TRAPPC3L: variants seen among roughly 807,000 people sequenced by gnomAD.
TRAPPC3L encodes the protein trafficking protein particle complex subunit 3-like protein.
In TRAPPC3L, 23 loss-of-function variants were observed where a neutral mutation model predicts 23.7. The ratio of observed to expected loss-of-function variants is 0.97; its 90% confidence interval spans 0.70 to 1.37. TRAPPC3L has a LOEUF of 1.37. Ranked by LOEUF, TRAPPC3L falls within the 40% of genes most tolerant of loss-of-function variation. The probability of loss-of-function intolerance (pLI) is 0.00; values close to 1 mark genes in which losing one functional copy is unlikely to be tolerated. For synonymous variants in TRAPPC3L, 81 were observed against 77.9 expected (o/e 1.04, Z -0.21); for missense variants, 212 against 216.8 (o/e 0.98, Z 0.14).
chr6:116,523,119 C>G (rs1003699952), intron 3 of TRAPPC3L: 2 of 151,716 alleles, frequency 1.3e-5, no homozygotes, highest in African/African-American at 4.8e-5. Flanking sequence ...AATAACTGCT[C>G]TACAGCACAG....
At chr6:116,530,936 TA>T in intron 3 of TRAPPC3L, among the ~76,000 whole-genome samples, 1 of 143,978 alleles carries the variant, frequency 6.9e-6, no homozygotes, top group Non-Finnish European at 1.5e-5. Context: ...TATATATATA[TA>T]TATATATGTT....
intron 3 of TRAPPC3L, among the ~76,000 whole-genome samples, chr6:116,529,945 A>T (rs1393638034): frequency 6.6e-6 from 1 of 152,206 alleles, no homozygotes; most frequent in Admixed American, 6.5e-5. Context: ...AGTTTTACAT[A>T]TTCATCCTAG....
At chr6:116,499,208 T>C (rs919401293) in intron 4 of TRAPPC3L, among the ~76,000 whole-genome samples, 1 of 152,216 alleles carries the variant, frequency 6.6e-6, no homozygotes, top group Non-Finnish European at 1.5e-5. Context: ...TCAATTTCAT[T>C]CCTTTCAGCC....
In TRAPPC3L at chr6:116,511,217, T is replaced by TAA. The variant is rs1365450210; in HGVS notation, c.241-10552_241-10551insTT. On this transcript the variant is annotated intron_variant, in intron 3 of 4. Transcript: ENST00000368602. ...ATATATATATAATTTTCATATGTTTTTATATATATGAAAAAAGACAGCAAA... is the reference window on the plus strand; with the variant it reads ...ATATATATATAATTTTCATATGTTTTAATATATATATGAAAAAAGACAGCAAA... 2.0e-5 allele frequency among the ~76,000 whole-genome samples: 3 copies of TAA among 147,502 alleles called. No homozygotes were observed. The South Asian group carries it at 6.4e-4, about 31-fold the overall frequency.
chr6:116,513,910 A>G (rs1199934947), intron 3 of TRAPPC3L, among the ~76,000 whole-genome samples: 2 of 152,186 alleles, frequency 1.3e-5, no homozygotes, highest in Non-Finnish European at 2.9e-5. Context: ...TATGTGACCT[A>G]GAACTAGTGG....
chr6:116,507,429 C>A (rs892663101), intron 3 of TRAPPC3L, among the ~76,000 whole-genome samples: 2 of 152,166 alleles, frequency 1.3e-5, no homozygotes, highest in Non-Finnish European at 2.9e-5. Context: ...ATAGAAAATT[C>A]TAGAAGTATA....
intron 3 of TRAPPC3L, among the ~76,000 whole-genome samples, chr6:116,501,702 C>T (rs1771918341): frequency 2.0e-5 from 3 of 152,198 alleles, no homozygotes; most frequent in Admixed American, 2.0e-4. Flanking sequence ...TGCTGTTCTG[C>T]AGCCTCCGCT....
At chr6:116,534,388 G>T (rs1772940492) in intron 3 of TRAPPC3L, among the ~76,000 whole-genome samples, 1 of 152,052 alleles carries the variant, frequency 6.6e-6, no homozygotes, top group Non-Finnish European at 1.5e-5. Flanking sequence ...AGGAGTTTTG[G>T]CTTGAAATAT....
intron 3 of TRAPPC3L, among the ~76,000 whole-genome samples, chr6:116,501,584 T>C (rs1161814537): frequency 6.6e-6 from 1 of 152,222 alleles, no homozygotes; most frequent in Non-Finnish European, 1.5e-5. Context: ...ATGACCCCCA[T>C]GTAGCCTGAC....
chr6:116,506,392 A>G (rs1463571134), intron 3 of TRAPPC3L, among the ~76,000 whole-genome samples: 2 of 152,244 alleles, frequency 1.3e-5, no homozygotes, highest in Non-Finnish European at 2.9e-5. Flanking sequence ...GTGGAGAAGT[A>G]GGAACACTTT....
intron 1 of TRAPPC3L, chr6:116,543,996 G>T: frequency 1.2e-6 from 1 of 828,106 alleles, no homozygotes; most frequent in South Asian, 1.8e-5. Flanking sequence ...GACAATTTAG[G>T]TTTGGCTTAG....
At chr6:116,515,041 T>C (rs1206501846) in intron 3 of TRAPPC3L, among the ~76,000 whole-genome samples, 2 of 152,206 alleles carry the variant, frequency 1.3e-5, no homozygotes, top group Non-Finnish European at 2.9e-5. Context: ...TCAAGACAAA[T>C]CATTTTCAAG....
At chr6:116,516,009 T>G in intron 3 of TRAPPC3L, 1 of 1,565,238 alleles carries the variant, frequency 6.4e-7, no homozygotes, top group Non-Finnish European at 8.7e-7. Flanking sequence ...CATCAATGAC[T>G]CATGGTGTTG....
intron 3 of TRAPPC3L, among the ~76,000 whole-genome samples, chr6:116,514,051 G>C (rs1675448757): frequency 6.6e-6 from 1 of 152,172 alleles, no homozygotes; most frequent in Non-Finnish European, 1.5e-5. Context: ...TTTGTTCCAA[G>C]TCAATGAGGA....
At chr6:116,515,355 G>C (rs754439251) in intron 3 of TRAPPC3L, among the ~76,000 whole-genome samples, 1 of 152,074 alleles carries the variant, frequency 6.6e-6, no homozygotes, top group African/African-American at 2.4e-5. Context: ...CTGCCTTCTG[G>C]TTATTTCTTT....
rs117015308 is a variant in TRAPPC3L at position 116,543,119 on chromosome 6, C to T, written c.140+184G>A. On this transcript the variant is annotated intron_variant, in intron 2 of 4. Coordinates refer to ENST00000368602, the MANE Select transcript of TRAPPC3L (RefSeq NM_001139444.3). Reference sequence around the variant, plus strand: ...GATATTTGTAGGAAAAAAATCCTTCCTATTATCTTATTCTATCAACCCAAA... The same window carrying T: ...GATATTTGTAGGAAAAAAATCCTTCTTATTATCTTATTCTATCAACCCAAA... Among the ~76,000 whole-genome samples, 751 of 152,186 alleles carry T rather than the reference C, an allele frequency of 4.9e-3. 18 individuals carry two copies. The East Asian group carries it at 0.058, about 12-fold the overall frequency.
intron 3 of TRAPPC3L, among the ~76,000 whole-genome samples, chr6:116,527,902 T>C (rs1772494286): frequency 6.6e-6 from 1 of 152,218 alleles, no homozygotes; most frequent in African/African-American, 2.4e-5. Flanking sequence ...CCATGACACA[T>C]GTATACCTAT....
At position 116,500,620 on chromosome 6, in the gene TRAPPC3L, T is replaced by A. The variant is rs1259577042; in HGVS notation, c.287A>T (p.Asn96Ile). The A allele has an allele frequency of 2.6e-6, 4 of 1,551,556 alleles. No homozygotes were observed. The highest frequency in any genetic ancestry group is 3.5e-6 in the Non-Finnish European group (4 of 1,146,990). The change falls in exon 4 of 5, where the codon AAC (asparagine) becomes ATC (isoleucine). Residue 96 changes from asparagine to isoleucine, a missense_variant. By Grantham distance (149) the Asn-to-Ile change is moderately radical. Coordinates refer to ENST00000368602, the MANE Select transcript of TRAPPC3L (RefSeq NM_001139444.3). ...GGAAAATTCATTTTTGCTTGAATTGTTACAGGTCACACTTGGTGTAATTCC... is the reference window on the plus strand; with the variant it reads ...GGAAAATTCATTTTTGCTTGAATTGATACAGGTCACACTTGGTGTAATTCC... ...YLGITPSVTC[N>I]NSSKNEFSLI... is the part of the protein sequence containing the mutation.
At chr6:116,539,299 C>G (rs1443636221) in intron 3 of TRAPPC3L, among the ~76,000 whole-genome samples, 1 of 152,050 alleles carries the variant, frequency 6.6e-6, no homozygotes, top group African/African-American at 2.4e-5. Context: ...TTTCCCCAGC[C>G]TGGTTAGTGG....
Sources: allele counts gnomAD v4.1 joint callset (sites outside exome capture counted in the v4.1 genomes callset), GRCh38; gene constraint gnomAD v4.1.1; transcripts MANE v1.5; gene names NCBI Gene and HGNC (gene_info 2026-07-23, HGNC 2026-07-21).